ABCC1: variants seen among roughly 807,000 people sequenced by gnomAD.
The protein encoded by ABCC1 is multidrug resistance-associated protein 1.
Under a neutral mutation model 172.9 loss-of-function variants are expected in ABCC1, and 83 were observed. The ratio of observed to expected loss-of-function variants is 0.48; its 90% CI spans 0.40 to 0.58. ABCC1 has a LOEUF of 0.58. Ranked by LOEUF, ABCC1 falls within the 20% of genes least tolerant of loss-of-function variation. The pLI is 0.00. For synonymous variants in ABCC1, 937 were observed against 825.2 expected (o/e 1.14, Z -2.32); for missense variants, 1,817 against 2,002.7 (o/e 0.91, Z 1.77).
At chr16:16,048,804 A>C (rs1483276876) in intron 10 of ABCC1, among the ~76,000 whole-genome samples, 1 of 152,116 alleles carries the variant, frequency 6.6e-6, no homozygotes, top group Non-Finnish European at 1.5e-5. Flanking sequence ...CTCAACGTGG[A>C]GAAACCCCGT....
At position 16,141,316 on chromosome 16, in the gene ABCC1, G is replaced by T; in HGVS notation, c.*35G>T. On this transcript the variant is annotated 3_prime_UTR_variant, in exon 31 of 31. Coordinates refer to ENST00000399410, the MANE Select transcript of ABCC1 (RefSeq NM_004996.4). ...CTGGCATATCTGGTCAGAACTGCAG[G>T]GCCTATATGCCAGCGCCCAGGGAGG... is the stretch of plus-strand genomic sequence containing the variant. The T allele has an allele frequency of 6.3e-7, 1 of 1,594,178 alleles. No individual in the cohort carries two copies.
At chr16:16,014,348 AG>A in intron 3 of ABCC1, 142 bp from the exon 4 acceptor site, 1 of 920,578 alleles carries the variant, frequency 1.1e-6, no homozygotes, top group South Asian at 1.9e-5. Flanking sequence ...TGGGAAGCTG[AG>A]GCAGGAGAAT....
intron 19 of ABCC1, chr16:16,097,867 C>T (rs1202894232): frequency 6.6e-6 from 1 of 152,268 alleles, no homozygotes; most frequent in Non-Finnish European, 1.5e-5. Flanking sequence ...TGTGTAACTG[C>T]ACTTGGCCAC....
chr16:16,034,987 A>T (rs1426416975), intron 6 of ABCC1, among the ~76,000 whole-genome samples: 1 of 152,220 alleles, frequency 6.6e-6, no homozygotes, highest in Non-Finnish European at 1.5e-5. Context: ...TGATACTGCA[A>T]ACGTGGCAAC....
At chr16:15,975,857 C>T (rs2046478791) in intron 1 of ABCC1, among the ~76,000 whole-genome samples, 1 of 151,982 alleles carries the variant, frequency 6.6e-6, no homozygotes, top group African/African-American at 2.4e-5. Flanking sequence ...CACCTGGCCA[C>T]CTTTTATTTG....
chr16:16,073,644 T>A (rs1480671513), intron 14 of ABCC1, among the ~76,000 whole-genome samples: 1 of 152,030 alleles, frequency 6.6e-6, no homozygotes, highest in African/African-American at 2.4e-5. Context: ...GTAGTCCTAG[T>A]TACTTGAGAG....
In ABCC1 at chr16:16,054,649, G is replaced by C. The variant is rs549433332; in HGVS notation, c.1474-1443G>C. Among the ~76,000 whole-genome samples the C allele has an allele frequency of 3.2e-4, 48 of 152,244 alleles. 1 individual carries two copies. The South Asian group carries it at 9.7e-3, about 31-fold the overall frequency. ...GGCTTTAGGATTGAGTCACCCTTCA[G>C]TCTCTTGATGTGTAGGATGCCCTGA... is the stretch of plus-strand genomic sequence containing the variant. On this transcript the variant is annotated intron_variant, in intron 11 of 30. Coordinates refer to ENST00000399410, the MANE Select transcript of ABCC1 (RefSeq NM_004996.4).
intron 30 of ABCC1, among the ~76,000 whole-genome samples, chr16:16,139,288 G>A (rs1198768495): frequency 6.6e-6 from 1 of 150,640 alleles, no homozygotes; most frequent in African/African-American, 2.4e-5. Context: ...CAGTGCGTGG[G>A]GCCCACAAAA....
chr16:16,061,418 TG>T (rs1821551362), intron 12 of ABCC1, among the ~76,000 whole-genome samples: 1 of 152,254 alleles, frequency 6.6e-6, no homozygotes, highest in African/African-American at 2.4e-5. Flanking sequence ...CCAGCATCTG[TG>T]GCCTCTACCT....
intron 7 of ABCC1, among the ~76,000 whole-genome samples, chr16:16,044,100 G>A (rs1418405723): frequency 6.6e-6 from 1 of 152,190 alleles, no homozygotes; most frequent in Admixed American, 6.5e-5. Flanking sequence ...GGAGCCATCA[G>A]TTTTCTAAGT....
Position 16,071,744 on chromosome 16 carries a change from A to G in ABCC1, c.1912+15A>G, listed in dbSNP as rs2151959974. The G allele has an allele frequency of 6.2e-7, 1 of 1,609,764 alleles. No homozygotes were observed. Among genetic ancestry groups the G allele is most frequent in the African/African-American group, 1.3e-5 (1 of 74,968 alleles). On this transcript the variant is annotated intron_variant, in intron 14 of 30. Coordinates refer to ENST00000399410, the MANE Select transcript of ABCC1 (RefSeq NM_004996.4). ...TGTCAAAGACGGTGTGTGTGTGTTC[A>G]GTCCTGGCTTCTGGAAGTGGCCGCC...
intron 27 of ABCC1, among the ~76,000 whole-genome samples, chr16:16,133,345 G>C (rs188182699): frequency 6.6e-6 from 1 of 152,072 alleles, no homozygotes; most frequent in African/African-American, 2.4e-5. Flanking sequence ...ACAGAGAAGA[G>C]CAGAGTGGGT....
intron 29 of ABCC1, among the ~76,000 whole-genome samples, chr16:16,137,747 AT>A (rs2045970510): frequency 6.6e-6 from 1 of 151,744 alleles, no homozygotes; most frequent in East Asian, 1.9e-4. Flanking sequence ...GAGATGGGGT[AT>A]CACCACATTG....
At chr16:16,003,603 G>A (rs867175709) in intron 1 of ABCC1, among the ~76,000 whole-genome samples, 2,792 of 134,874 alleles carry the variant, frequency 0.021, 79 homozygotes, top group Non-Finnish European at 0.031. Flanking sequence ...TGAATTGGTG[G>A]ATGGGTAGGT....
At chr16:16,040,572 C>G (rs749803928) in intron 7 of ABCC1, among the ~76,000 whole-genome samples, 5 of 152,084 alleles carry the variant, frequency 3.3e-5, no homozygotes, top group Non-Finnish European at 7.4e-5. Flanking sequence ...CAGGTGTGAG[C>G]CACTGCGCCT....
At chr16:16,022,826 C>A (rs1314272368) in intron 5 of ABCC1, among the ~76,000 whole-genome samples, 2 of 152,180 alleles carry the variant, frequency 1.3e-5, no homozygotes, top group African/African-American at 4.8e-5. Flanking sequence ...TACCTAGAGC[C>A]ACAGTTAACA....
chr16:16,002,247 C>A (rs1452732841), intron 1 of ABCC1, among the ~76,000 whole-genome samples: 1 of 152,098 alleles, frequency 6.6e-6, no homozygotes, highest in South Asian at 2.1e-4. Flanking sequence ...AAGCAAAGTA[C>A]GGAACATTAT....
At chr16:16,096,457 A>G (rs1257995249) in intron 19 of ABCC1, among the ~76,000 whole-genome samples, 1 of 152,088 alleles carries the variant, frequency 6.6e-6, no homozygotes, top group Non-Finnish European at 1.5e-5. Context: ...AGTTACACAA[A>G]TTAGTTGTCA....
intron 1 of ABCC1, among the ~76,000 whole-genome samples, chr16:15,991,413 A>C (rs2046865888): frequency 6.6e-6 from 1 of 152,120 alleles, no homozygotes; most frequent in Non-Finnish European, 1.5e-5. Flanking sequence ...ATATACATGA[A>C]AAGTACAGGG....
Sources: gnomAD v4.1 joint callset for allele counts (sites outside exome capture counted in the v4.1 genomes callset) on GRCh38, gnomAD v4.1.1 for gene constraint, MANE v1.5 for transcripts, NCBI Gene and HGNC (gene_info 2026-07-23, HGNC 2026-07-21) for gene names.